Variants in IP6K1 observed in about 807,000 individuals in gnomAD.
The protein encoded by IP6K1 is ATP:1D-myo-inositol-hexakisphosphate phosphotransferase.
In IP6K1, 13 loss-of-function variants were observed where a neutral mutation model predicts 38.3. The ratio of observed to expected loss-of-function variants is 0.34; its 90% CI spans 0.22 to 0.54. The LOEUF is 0.54. IP6K1 is among the 20% of genes least tolerant of loss of function. IP6K1 has a pLI of 0.92. For missense variants in IP6K1, 397 were observed against 599.8 expected (o/e 0.66, Z 3.53); for synonymous variants, 212 against 229.9 (o/e 0.92, Z 0.70).
At position 49,748,291 on chromosome 3, in the gene IP6K1, A is replaced by G; in HGVS notation, c.-128-123T>C. 9.5e-6 allele frequency: 5 copies of G among 524,346 alleles called. No homozygotes were observed. The South Asian group carries it at 1.1e-4, about 11-fold the overall frequency. 32.5% of individuals were successfully genotyped at this position (524,346 alleles called of 1,614,324 possible). ...CCTACTATGTGTATCCCTAGCACGT[A>G]CAATACTACGTGGCACATGAAAGGC... On this transcript the variant is annotated intron_variant, in intron 1 of 5. Transcript: ENST00000321599.
At chr3:49,756,574 T>C (rs1215836911) in intron 1 of IP6K1, among the ~76,000 whole-genome samples, 1 of 151,734 alleles carries the variant, frequency 6.6e-6, no homozygotes, top group African/African-American at 2.4e-5. Context: ...TCCTAGCACT[T>C]TGGGAGGCCA....
chr3:49,740,509 A>G (rs1254892681), intron 2 of IP6K1, among the ~76,000 whole-genome samples: 1 of 152,006 alleles, frequency 6.6e-6, no homozygotes, highest in Non-Finnish European at 1.5e-5. Context: ...GTAACTCCCC[A>G]TTTTCCCTTC....
intron 3 of IP6K1, among the ~76,000 whole-genome samples, chr3:49,734,314 A>C (rs1370897856): frequency 6.6e-6 from 1 of 151,246 alleles, no homozygotes; most frequent in South Asian, 2.1e-4. Flanking sequence ...AGAAAACCAA[A>C]CTACTGGTGA....
chr3:49,762,945 T>C (rs1030755144), intron 1 of IP6K1, among the ~76,000 whole-genome samples: 36 of 152,034 alleles, frequency 2.4e-4, no homozygotes, highest in Non-Finnish European at 2.9e-4. Flanking sequence ...CTAATTTGTG[T>C]ATTTTTAGTA....
chr3:49,780,558 C>A (rs1257325304), intron 1 of IP6K1, among the ~76,000 whole-genome samples: 2 of 152,102 alleles, frequency 1.3e-5, no homozygotes, highest in Non-Finnish European at 2.9e-5. Flanking sequence ...CAGGGCTGCA[C>A]TGGGAGGAGG....
Position 49,727,391 on chromosome 3 carries a change from G to A in IP6K1, c.1057C>T (p.Arg353Trp), listed in dbSNP as rs138375827. 3.8e-5 allele frequency: 61 copies of A among 1,613,924 alleles called. No homozygotes were observed. The Middle Eastern group carries it at 8.2e-4, about 22-fold the overall frequency. Residue 353 changes from arginine to tryptophan, a missense_variant, in exon 6 of 6, where the codon CGG becomes TGG. By Grantham distance (101) the Arg-to-Trp change is moderately radical. Coordinates refer to ENST00000321599, the MANE Select transcript of IP6K1 (RefSeq NM_153273.4). The surrounding 1 kb of genome is among the most constrained non-coding windows in gnomAD (Gnocchi z 5.9). ...ECRAESCLDR[R>W]SEMRLKHLDM... is the part of the protein sequence containing the mutation. ...AGGTGCTTGAGACGCATCTCAGACC[G>A]GCGGTCCAGGCAGGACTCAGCCCGG...
chr3:49,758,282 C>T (rs1162038393), intron 1 of IP6K1, among the ~76,000 whole-genome samples: 1 of 142,780 alleles, frequency 7.0e-6, no homozygotes, highest in Non-Finnish European at 1.5e-5. Flanking sequence ...CCACTACACT[C>T]CAGCCTGGGG....
intron 2 of IP6K1, among the ~76,000 whole-genome samples, chr3:49,740,666 ACAGCATATAT>A (rs1437948465): frequency 6.6e-6 from 1 of 152,122 alleles, no homozygotes; most frequent in Non-Finnish European, 1.5e-5. Flanking sequence ...CATCTGTGTC[ACAGCATATAT>A]CAGAACTTCA....
rs1370280634 is a variant in IP6K1 at position 49,764,004 on chromosome 3, A to C, written c.-128-15836T>G. ...GCCACTGCACTCCAGTGTGGGCAAC[A>C]GAGCAAGACTGTTTCCAAAAAAACC... On this transcript the variant is annotated intron_variant, in intron 1 of 5. Transcript: ENST00000321599. 2.0e-5 allele frequency among the ~76,000 whole-genome samples: 3 copies of C among 152,304 alleles called. No homozygotes were observed. In the South Asian group the frequency reaches 6.2e-4, roughly 32 times the overall value.
intron 3 of IP6K1, 81 bp from the exon 4 acceptor site, chr3:49,733,053 G>T: frequency 9.1e-7 from 1 of 1,094,254 alleles, no homozygotes; most frequent in East Asian, 2.4e-5. Flanking sequence ...GCACAGATCT[G>T]TCCACAATGA....
intron 3 of IP6K1, among the ~76,000 whole-genome samples, chr3:49,736,343 C>G (rs2080611717): frequency 6.6e-6 from 1 of 152,178 alleles, no homozygotes. Flanking sequence ...AAACCATCAT[C>G]ATTAGCAGTC....
rs1311247859 is a variant in IP6K1 at position 49,730,663 on chromosome 3, T to C, written c.616+2128A>G. On this transcript the variant is annotated intron_variant, in intron 4 of 5. Transcript: ENST00000321599. ...CCAGGTTCAAGTGATCCTCCTGCCT[T>C]AGCCTCCCAAGTAGCTGGAACTATA... 2.0e-5 allele frequency among the ~76,000 whole-genome samples: 3 copies of C among 151,984 alleles called. No individual in the cohort carries two copies. In the East Asian group the frequency reaches 5.8e-4, roughly 29 times the overall value.
chr3:49,736,167 C>T (rs537315733), intron 3 of IP6K1, among the ~76,000 whole-genome samples: 3 of 152,320 alleles, frequency 2.0e-5, no homozygotes, highest in East Asian at 1.9e-4. Flanking sequence ...CCACCCGCCT[C>T]GGCCTCCCAA....
At chr3:49,742,505 C>A (rs902424733) in intron 2 of IP6K1, among the ~76,000 whole-genome samples, 7 of 150,156 alleles carry the variant, frequency 4.7e-5, no homozygotes, top group Non-Finnish European at 1.0e-4. Flanking sequence ...GCCAAGATCG[C>A]GCCACTGCAC....
At chr3:49,769,772 A>G (rs2080942370) in intron 1 of IP6K1, among the ~76,000 whole-genome samples, 1 of 152,216 alleles carries the variant, frequency 6.6e-6, no homozygotes, top group Non-Finnish European at 1.5e-5. Context: ...ACTGCACGCC[A>G]TGAGGAAACT....
At chr3:49,750,734 C>G (rs2080767295) in intron 1 of IP6K1, among the ~76,000 whole-genome samples, 1 of 152,092 alleles carries the variant, frequency 6.6e-6, no homozygotes, top group Admixed American at 6.6e-5. Context: ...AGCCCTTCCC[C>G]TGACTCTGAG....
intron 2 of IP6K1, 75 bp downstream of exon 2, chr3:49,747,743 A>G: frequency 6.3e-7 from 1 of 1,584,588 alleles, no homozygotes; most frequent in Non-Finnish European, 8.6e-7. Flanking sequence ...CATGGCAAAC[A>G]AACCAAGAAA....
intron 2 of IP6K1, among the ~76,000 whole-genome samples, chr3:49,739,599 C>T (rs865883486): frequency 3.3e-5 from 5 of 151,996 alleles, no homozygotes; most frequent in Admixed American, 1.3e-4. Flanking sequence ...GTGATCCACC[C>T]GTCTCGGCCT....
At chr3:49,744,093 T>C (rs1472037177) in intron 2 of IP6K1, among the ~76,000 whole-genome samples, 1 of 151,920 alleles carries the variant, frequency 6.6e-6, no homozygotes, top group Non-Finnish European at 1.5e-5. Context: ...TCCTTCTATA[T>C]TTATTAATCA....
Sources: allele counts gnomAD v4.1 joint callset (sites outside exome capture counted in the v4.1 genomes callset), GRCh38; gene constraint gnomAD v4.1.1; non-coding constraint Gnocchi (gnomAD v3.1); transcripts MANE v1.5; gene names NCBI Gene and HGNC (gene_info 2026-07-23, HGNC 2026-07-21).